TP53BP1: variants seen among roughly 807,000 people sequenced by gnomAD.
TP53BP1 encodes the protein TP53-binding protein 1.
A neutral mutation model predicts 200.8 loss-of-function variants in TP53BP1; 61 were observed. That is an observed-to-expected ratio of 0.30 (90% CI 0.25 to 0.38). The LOEUF (loss-of-function observed/expected upper bound fraction) is 0.38, where lower values mean the gene tolerates loss of function less well. TP53BP1 is among the 10% of genes least tolerant of loss of function. TP53BP1 has a pLI of 1.00. For synonymous variants in TP53BP1, 822 were observed against 844.3 expected, an observed-to-expected ratio of 0.97 and a Z score of 0.46; for missense variants, 2,144 against 2,371.9, an observed-to-expected ratio of 0.90 and a Z score of 2.00.
At chr15:43,479,586 G>C in intron 6 of TP53BP1, 60 bp from the exon 7 acceptor site, 1 of 1,517,534 alleles carries the variant, frequency 6.6e-7, no homozygotes, top group Middle Eastern at 1.7e-4. Flanking sequence ...ACTAGATACA[G>C]TCCCAGATGT....
At chr15:43,425,603 G>A (rs1439267588) in intron 18 of TP53BP1, among the ~76,000 whole-genome samples, 2 of 152,160 alleles carry the variant, frequency 1.3e-5, no homozygotes, top group Non-Finnish European at 2.9e-5. Context: ...CTGGGCAAAA[G>A]AGCGAGACCC....
At chr15:43,480,696 A>AG (rs745918802) in intron 5 of TP53BP1, among the ~76,000 whole-genome samples, 199 bp downstream of exon 5, 7 of 152,364 alleles carry the variant, frequency 4.6e-5, no homozygotes, top group Non-Finnish European at 1.0e-4. Context: ...ATATGCAGAA[A>AG]GGGGCTAACC....
intron 1 of TP53BP1, among the ~76,000 whole-genome samples, chr15:43,501,794 A>C (rs2079210606): frequency 6.6e-6 from 1 of 152,118 alleles, no homozygotes. Context: ...ATTCTTTTTC[A>C]TTGCTCAGCA....
intron 23 of TP53BP1, 197 bp downstream of exon 23, chr15:43,415,397 G>T: frequency 1.4e-6 from 1 of 700,678 alleles, no homozygotes; most frequent in Non-Finnish European, 2.6e-6. Flanking sequence ...CTATCTACCC[G>T]CACTAGAGTC....
chr15:43,492,490 T>C (rs759635462), intron 1 of TP53BP1, 22 bp from the exon 2 acceptor site: 9 of 1,604,812 alleles, frequency 5.6e-6, no homozygotes, highest in Non-Finnish European at 6.8e-6. Flanking sequence ...TAACAAAAGA[T>C]CAGTTCCGTG....
chr15:43,444,429 C>T (rs757696241), intron 14 of TP53BP1, among the ~76,000 whole-genome samples: 9 of 152,222 alleles, frequency 5.9e-5, no homozygotes, highest in Non-Finnish European at 1.2e-4. Context: ...TTATTTATTC[C>T]GGAAAAGATG....
chr15:43,507,095 T>C (rs954152676), intron 1 of TP53BP1, among the ~76,000 whole-genome samples: 2 of 152,138 alleles, frequency 1.3e-5, no homozygotes, highest in East Asian at 3.9e-4. Flanking sequence ...AATAAATCTA[T>C]GCTTTCATCT....
At chr15:43,480,631 G>A (rs192685865) in intron 5 of TP53BP1, among the ~76,000 whole-genome samples, 2 of 152,126 alleles carry the variant, frequency 1.3e-5, no homozygotes, top group African/African-American at 2.4e-5. Flanking sequence ...ACCCCACAAA[G>A]TACACATTAC....
chr15:43,407,967 G>C lies in TP53BP1; in HGVS notation c.5722C>G (p.His1908Asp). The C allele has an allele frequency of 6.2e-7, 1 of 1,613,588 alleles. No homozygotes were observed. Among genetic ancestry groups the C allele is most frequent in the Non-Finnish European group, 8.5e-7 (1 of 1,179,984 alleles). Residue 1908 changes from histidine to aspartate, a missense_variant, in exon 27 of 28, where the codon CAC (histidine) becomes GAC (aspartate). His to Asp is a moderately conservative substitution (Grantham distance 81). Coordinates refer to ENST00000382044, the MANE Select transcript of TP53BP1 (RefSeq NM_001141980.3). ...CCTTTGTTATGGGCACTTGAATGGT[G>C]CTGCTTCACAGAGGCTGCACCACCA... ...MTGGAASVKQ[H>D]HSSAHNKDIA...
intron 16 of TP53BP1, among the ~76,000 whole-genome samples, chr15:43,435,564 T>C (rs1213829442): frequency 2.0e-5 from 3 of 152,220 alleles, no homozygotes; most frequent in African/African-American, 7.2e-5. Context: ...GATTTCAGGA[T>C]CATCTGATTC....
chr15:43,509,977 G>A (rs1253105645), intron 1 of TP53BP1, among the ~76,000 whole-genome samples: 1 of 152,208 alleles, frequency 6.6e-6, no homozygotes, highest in African/African-American at 2.4e-5. Flanking sequence ...CTACTCTGGA[G>A]TGTGGAGTAG....
At position 43,436,433 on chromosome 15, in the gene TP53BP1, T is replaced by C. The variant is rs2045800187; in HGVS notation, c.3191+1891A>G. Among the ~76,000 whole-genome samples, 4 of 152,260 alleles carry C rather than the reference T, an allele frequency of 2.6e-5. No individual in the cohort carries two copies. The South Asian group carries it at 6.2e-4, about 24-fold the overall frequency. On this transcript the variant is annotated intron_variant, in intron 16 of 27. Coordinates refer to ENST00000382044, the MANE Select transcript of TP53BP1 (RefSeq NM_001141980.3). Reference sequence around the variant, plus strand: ...CCATTACTTATTTCTCTACACTAAATATAAGTATCATATATTCCATATAAG... The same window carrying C: ...CCATTACTTATTTCTCTACACTAAACATAAGTATCATATATTCCATATAAG...
chr15:43,440,766 G>A (rs1467524148), intron 15 of TP53BP1, among the ~76,000 whole-genome samples: 1 of 152,066 alleles, frequency 6.6e-6, no homozygotes, highest in Non-Finnish European at 1.5e-5. Flanking sequence ...GTACATGCCT[G>A]TAGCCCCAGC....
At chr15:43,498,362 G>A (rs1276248427) in intron 1 of TP53BP1, among the ~76,000 whole-genome samples, 1 of 152,180 alleles carries the variant, frequency 6.6e-6, no homozygotes, top group Non-Finnish European at 1.5e-5. Context: ...TAATATACCA[G>A]TAAGGGAACA....
Position 43,481,035 on chromosome 15 carries a change from A to G in TP53BP1, c.372-13T>C, listed in dbSNP as rs1309310701. On this transcript the variant is annotated splice_polypyrimidine_tract_variant and intron_variant, in intron 4 of 27. Transcript: ENST00000382044. Reference sequence around the variant, plus strand: ...CATTCCCAGAACACTACACAGCAGAAGGATATAATCATGTGTTCCCAGATA... The same window carrying G: ...CATTCCCAGAACACTACACAGCAGAGGGATATAATCATGTGTTCCCAGATA... 3 of 1,614,014 alleles carry G rather than the reference A, an allele frequency of 1.9e-6. No homozygotes were observed. Among genetic ancestry groups the G allele is most frequent in the Non-Finnish European group, 2.5e-6 (3 of 1,179,974 alleles).
intron 24 of TP53BP1, among the ~76,000 whole-genome samples, chr15:43,410,818 A>T (rs1566913555): frequency 5.9e-5 from 9 of 151,584 alleles, no homozygotes. Flanking sequence ...GCCCCAGGTC[A>T]GGGGTCTCCA....
At position 43,420,617 on chromosome 15, in the gene TP53BP1, C is replaced by A. The variant is rs962184123; in HGVS notation, c.4369G>T (p.Val1457Leu). 6.2e-7 allele frequency: 1 copy of A among 1,614,072 alleles called. No homozygotes were observed. The highest frequency in any genetic ancestry group is 1.7e-5 in the Admixed American group (1 of 60,008). Reference protein sequence around the residue: ...RVPDSTRRTDVGAGALRRSDS... With the variant: ...RVPDSTRRTDLGAGALRRSDS... ...CTACGACGCAAAGCACCAGCACCCA[C>A]ATCTGTTCGTCTGGTGGAGTCTGGC... Residue 1457 changes from valine (V) to leucine (L), a missense_variant, in exon 21 of 28, where the codon GTG becomes TTG. Transcript: ENST00000382044.
At chr15:43,484,821 G>A (rs901242608) in intron 4 of TP53BP1, among the ~76,000 whole-genome samples, 1 of 151,702 alleles carries the variant, frequency 6.6e-6, no homozygotes, top group Non-Finnish European at 1.5e-5. Flanking sequence ...AGCAATCATG[G>A]CTCACTGCAG....
chr15:43,403,441 T>C lies in TP53BP1; in HGVS notation c.*3942A>G, dbSNP rs1488233559. ...AAATGAAGAGTTAAATGTGGCTAGA[T>C]TGGAGGTTTGGTGCAGGGCTAAGAG... On this transcript the variant is annotated 3_prime_UTR_variant, in exon 28 of 28. Transcript: ENST00000382044. The C allele has an allele frequency of 1.1e-5, 4 of 363,558 alleles. No individual in the cohort carries two copies. The South Asian group carries it at 1.4e-4, about 13-fold the overall frequency. The allele number at this position is 363,558 out of a possible 1,614,324, so 22.5% of individuals were successfully genotyped here. A position where few individuals can be genotyped will look rare whatever the true frequency, so the allele number is the denominator to read the frequency against.
Sources: gnomAD v4.1 joint callset for allele counts (sites outside exome capture counted in the v4.1 genomes callset) on GRCh38, gnomAD v4.1.1 for gene constraint, MANE v1.5 for transcripts, NCBI Gene and HGNC (gene_info 2026-07-23, HGNC 2026-07-21) for gene names.